TENM3: variants seen among roughly 807,000 people sequenced by gnomAD.
TENM3 encodes teneurin transmembrane protein 3.
Under a neutral mutation model 255.1 loss-of-function variants are expected in TENM3, and 63 were observed. The ratio of observed to expected loss-of-function variants is 0.25; its 90% CI spans 0.20 to 0.30. The LOEUF is 0.30. TENM3 is among the 10% of genes least tolerant of loss of function. The pLI is 1.00. For missense variants in TENM3, 2,929 were observed against 3,461.1 expected (o/e 0.85, Z 3.86); for synonymous variants, 1,306 against 1,322.3 (o/e 0.99, Z 0.27).
intron 5 of TENM3, among the ~76,000 whole-genome samples, chr4:182,640,826 A>T (rs777335163): frequency 1.3e-5 from 2 of 152,234 alleles, no homozygotes; most frequent in Non-Finnish European, 2.9e-5. Flanking sequence ...AACTAAGGAA[A>T]ACTGCTCTCC....
At chr4:181,799,672 C>G in the TENM3 span, among the ~76,000 whole-genome samples, 6 of 152,134 alleles carry the variant, frequency 3.9e-5, no homozygotes, top group Admixed American at 3.9e-4. Context: ...AAGAGGCTAG[C>G]GCATTAAGAC....
the TENM3 span, among the ~76,000 whole-genome samples, chr4:181,861,623 C>T: frequency 6.6e-6 from 1 of 151,968 alleles, no homozygotes; most frequent in African/African-American, 2.4e-5. Flanking sequence ...CTTCTAAGTC[C>T]ATGACTTGTC....
the TENM3 span, among the ~76,000 whole-genome samples, chr4:181,493,648 G>A: frequency 2.0e-5 from 3 of 152,198 alleles, no homozygotes; most frequent in South Asian, 2.1e-4. Context: ...TTGGGAGGCT[G>A]AGGCAGGAGG....
chr4:181,540,645 C>T, the TENM3 span, among the ~76,000 whole-genome samples: 1 of 152,110 alleles, frequency 6.6e-6, no homozygotes, highest in Non-Finnish European at 1.5e-5. Context: ...ACACATTATC[C>T]CAGTCTAGTC....
the TENM3 span, among the ~76,000 whole-genome samples, chr4:181,981,325 G>A: frequency 2.6e-5 from 4 of 152,012 alleles, no homozygotes; most frequent in Non-Finnish European, 5.9e-5. Flanking sequence ...ACTCTCTTAC[G>A]GGCTTTGGGG....
chr4:182,252,491 A>G (rs1758084505), intron 1 of TENM3, among the ~76,000 whole-genome samples: 1 of 152,218 alleles, frequency 6.6e-6, no homozygotes, highest in Non-Finnish European at 1.5e-5. Flanking sequence ...AGAATGCAAT[A>G]AACATAACTA....
the TENM3 span, among the ~76,000 whole-genome samples, chr4:182,091,479 C>A: frequency 5.3e-5 from 8 of 152,216 alleles, no homozygotes; most frequent in Non-Finnish European, 1.2e-4. Flanking sequence ...GCCAGGCGAA[C>A]TAAAGGAAAG....
At chr4:181,867,935 G>C in the TENM3 span, among the ~76,000 whole-genome samples, 3 of 151,858 alleles carry the variant, frequency 2.0e-5, no homozygotes, top group Non-Finnish European at 4.4e-5. Flanking sequence ...TAGATGTTCT[G>C]GTATATTTTC....
the TENM3 span, among the ~76,000 whole-genome samples, chr4:181,546,371 A>C: frequency 1.3e-5 from 2 of 152,172 alleles, no homozygotes; most frequent in African/African-American, 4.8e-5. Context: ...ATTTACCATT[A>C]AACACATTTA....
At chr4:182,211,235 C>T (rs1755018768) in intron 1 of TENM3, among the ~76,000 whole-genome samples, 1 of 152,214 alleles carries the variant, frequency 6.6e-6, no homozygotes, top group Admixed American at 6.5e-5. Context: ...AGACGTGGCT[C>T]TTTCTTGTTC....
At chr4:181,989,294 G>A in the TENM3 span, among the ~76,000 whole-genome samples, 1 of 151,980 alleles carries the variant, frequency 6.6e-6, no homozygotes, top group Admixed American at 6.6e-5. Context: ...GCACAAAGAG[G>A]GATGGAAGCA....
intron 5 of TENM3, among the ~76,000 whole-genome samples, chr4:182,634,434 A>C (rs1751669872): frequency 6.6e-6 from 1 of 152,166 alleles, no homozygotes; most frequent in African/African-American, 2.4e-5. Flanking sequence ...CACCTATCCC[A>C]GTTTTTAAAA....
At chr4:181,547,266 T>C in the TENM3 span, among the ~76,000 whole-genome samples, 1 of 152,064 alleles carries the variant, frequency 6.6e-6, no homozygotes, top group Non-Finnish European at 1.5e-5. Context: ...AAGAAATGAC[T>C]CATACAAATA....
chr4:181,955,235 A>G, the TENM3 span, among the ~76,000 whole-genome samples: 21 of 152,194 alleles, frequency 1.4e-4, no homozygotes, highest in Non-Finnish European at 3.1e-4. Context: ...CAGATAAGGA[A>G]TCTTCCACTG....
At chr4:181,838,007 G>A in the TENM3 span, among the ~76,000 whole-genome samples, 615 of 152,150 alleles carry the variant, frequency 4.0e-3, 5 homozygotes, top group African/African-American at 9.6e-3. Flanking sequence ...GCGTTGTGGT[G>A]CACGCCTGTA....
chr4:182,734,692 AG>A (rs1461394266), intron 16 of TENM3, among the ~76,000 whole-genome samples: 2 of 152,224 alleles, frequency 1.3e-5, no homozygotes, highest in Admixed American at 1.3e-4. Flanking sequence ...TGGCAAGAGT[AG>A]GCCTGATGGT....
At chr4:181,849,416 T>C in the TENM3 span, among the ~76,000 whole-genome samples, 2 of 152,158 alleles carry the variant, frequency 1.3e-5, no homozygotes, top group East Asian at 1.9e-4. Flanking sequence ...AACAGAAACA[T>C]TTTCAGCAAT....
intron 12 of TENM3, among the ~76,000 whole-genome samples, chr4:182,709,800 G>T (rs11132148): frequency 1 from 152,078 of 152,350 alleles, 75,903 homozygotes; most frequent in Non-Finnish European, 1. Context: ...ATGAAGAATC[G>T]TGGTATCTTT....
intron 2 of TENM3, among the ~76,000 whole-genome samples, chr4:182,327,597 G>A (rs553029495): frequency 1.3e-5 from 2 of 152,130 alleles, no homozygotes; most frequent in Non-Finnish European, 2.9e-5. Context: ...ATAATGCTGG[G>A]GATCATTTCT....
Sources: gnomAD v4.1 joint callset for allele counts (sites outside exome capture counted in the v4.1 genomes callset) on GRCh38, gnomAD v4.1.1 for gene constraint, MANE v1.5 for transcripts, NCBI Gene and HGNC (gene_info 2026-07-23, HGNC 2026-07-21) for gene names.